COPE: variants seen among roughly 807,000 people sequenced by gnomAD.
COPE encodes coat protein complex I subunit epsilon.
A neutral mutation model predicts 42.1 loss-of-function variants in COPE; 19 were observed. The observed-to-expected ratio is 0.45, with a 90% confidence interval of 0.31 to 0.66. The LOEUF is 0.66. COPE is among the 30% of genes least tolerant of loss of function. The probability of loss-of-function intolerance (pLI) is 0.05; values close to 1 mark genes in which losing one functional copy is unlikely to be tolerated. For missense variants in COPE, 402 were observed against 416.1 expected (o/e 0.97, Z 0.30); for synonymous variants, 195 against 181.3 (o/e 1.08, Z -0.60).
In COPE at chr19:18,899,682, G is replaced by A. The variant is rs1254395340; in HGVS notation, c.924C>T (p.Ala308=). ...TCCTGACAGCTCTGGGCCAGCCTCA[G>A]GCGCTGGGAGCGTACTGTAGCACCA... The part of the protein sequence containing the change: ...DRLVLQYAPS[A] Residue 308 remains alanine, a synonymous_variant, in exon 10 of 10, where the codon GCC becomes GCT. Transcript: ENST00000262812. The A allele has an allele frequency of 6.2e-7, 1 of 1,613,420 alleles. No homozygotes were observed. Among genetic ancestry groups the A allele is most frequent in the Non-Finnish European group, 8.5e-7 (1 of 1,179,980 alleles).
At chr19:18,900,346 A>G (rs924105109) in intron 8 of COPE, 35 bp downstream of exon 8, 4 of 1,524,080 alleles carry the variant, frequency 2.6e-6, no homozygotes, top group Non-Finnish European at 3.6e-6. Flanking sequence ...GGGTCTGGAC[A>G]TTAGGGTTGG....
Position 18,911,076 on chromosome 19 carries a change from A to G in COPE, c.190-5T>C, listed in dbSNP as rs1418431405. 4 of 1,612,768 alleles carry G rather than the reference A, an allele frequency of 2.5e-6. No individual in the cohort carries two copies. The highest frequency in any genetic ancestry group is 1.1e-5 in the South Asian group (1 of 91,072). On this transcript the variant is annotated splice_region_variant and splice_polypyrimidine_tract_variant and intron_variant, in intron 2 of 9. Transcript: ENST00000262812. ...CAGGACCACACCGAACTTCCTCTGC[A>G]GTAGGGACGAGGCGTCAGCTGCACC...
At chr19:18,902,804 G>A (rs1396679625) in intron 7 of COPE, among the ~76,000 whole-genome samples, 3 of 86,148 alleles carry the variant, frequency 3.5e-5, no homozygotes, top group African/African-American at 2.2e-4. Context: ...AAGGAAGGAA[G>A]GAAGGAAGGA....
intron 1 of COPE, among the ~76,000 whole-genome samples, chr19:18,918,097 G>A (rs1382487226): frequency 2.0e-5 from 3 of 147,776 alleles, no homozygotes; most frequent in Non-Finnish European, 3.0e-5. Context: ...GGCTGAGAAA[G>A]GAGAATTGCT....
At chr19:18,913,804 T>C (rs1025867798) in intron 1 of COPE, among the ~76,000 whole-genome samples, 1 of 152,088 alleles carries the variant, frequency 6.6e-6, no homozygotes, top group Non-Finnish European at 1.5e-5. Context: ...CAACAACCTC[T>C]AAACAGAGGG....
Position 18,899,615 on chromosome 19 carries a change from G to GGGCTGCA in COPE, c.*57_*63dup. 6.3e-7 allele frequency: 1 copy of GGGCTGCA among 1,583,454 alleles called. No individual in the cohort carries two copies. The highest frequency in any genetic ancestry group is 1.1e-5 in the South Asian group (1 of 90,194). On this transcript the variant is annotated 3_prime_UTR_variant, in exon 10 of 10. Transcript: ENST00000262812. ...GATGCAGGTGGATGCCGGGTGGGGA[G>GGGCTGCA]GGCTGCAGGGCTGGCTCCTGGCCTC...
intron 2 of COPE, among the ~76,000 whole-genome samples, chr19:18,912,149 C>T (rs2056816504): frequency 6.6e-6 from 1 of 151,938 alleles, no homozygotes; most frequent in African/African-American, 2.4e-5. Context: ...GCCCAGCCCC[C>T]ATTCTTATTT....
Position 18,919,260 on chromosome 19 carries a change from C to T in COPE, c.89G>A (p.Ser30Asn). The T allele has an allele frequency of 1.2e-6, 2 of 1,613,876 alleles. No homozygotes were observed. Among genetic ancestry groups the T allele is most frequent in the Non-Finnish European group, 1.7e-6 (2 of 1,179,990 alleles). The change falls in exon 1 of 10, where the codon AGC becomes AAC. Residue 30 changes from serine (S) to asparagine (N), a missense_variant. Transcript: ENST00000262812. ...FDVKNAFYIG[S>N]YQQCINEAQR... ...CGCCTCGTTTATGCACTGCTGGTAG[C>T]TGCCGATGTAGAAGGCGTTCTTTAC...
chr19:18,918,313 T>C (rs1165950550), intron 1 of COPE, among the ~76,000 whole-genome samples: 1 of 151,034 alleles, frequency 6.6e-6, no homozygotes, highest in African/African-American at 2.4e-5. Flanking sequence ...TCTGATAAAC[T>C]CTCCGACCCT....
chr19:18,918,258 C>T (rs1339252453), intron 1 of COPE, among the ~76,000 whole-genome samples: 1 of 151,578 alleles, frequency 6.6e-6, no homozygotes, highest in East Asian at 1.9e-4. Context: ...CACAACTCTC[C>T]CTCCCAGATA....
intron 1 of COPE, among the ~76,000 whole-genome samples, chr19:18,918,440 T>A (rs1568325166): frequency 6.6e-6 from 1 of 152,118 alleles, no homozygotes; most frequent in African/African-American, 2.4e-5. Flanking sequence ...CAAGCCACCT[T>A]TCGTGTTTCT....
chr19:18,907,086 C>G lies in COPE; in HGVS notation c.317G>C (p.Arg106Pro). 6.2e-7 allele frequency: 1 copy of G among 1,611,940 alleles called. No homozygotes were observed. ...RRDSIVAELD[R>P]EMSRSVDVTN... is the part of the protein sequence containing the mutation. The stretch of plus-strand genomic sequence containing the variant: ...CACGTCCACGCTCCTGCTCATCTCT[C>G]GGTCCAGCTCGGCCACGATGCTGTC... The change falls in exon 4 of 10, where the codon CGA becomes CCA. Residue 106 changes from arginine (R) to proline (P), a missense_variant. Transcript: ENST00000262812.
At chr19:18,904,959 G>A (rs1023514013) in intron 5 of COPE, 107 bp from the exon 6 acceptor site, 2 of 1,113,186 alleles carry the variant, frequency 1.8e-6, no homozygotes, top group Non-Finnish European at 2.6e-6. Flanking sequence ...GATGGCCCCT[G>A]CTTTGTGCTC....
chr19:18,905,683 G>T, intron 4 of COPE, 54 bp from the exon 5 acceptor site: 1 of 1,537,530 alleles, frequency 6.5e-7, no homozygotes, highest in Non-Finnish European at 8.8e-7. Flanking sequence ...ACATTGCATG[G>T]CCGCTCCACA....
In COPE at chr19:18,899,865, C is replaced by A; in HGVS notation, c.879+8G>T. The A allele has an allele frequency of 1.2e-6, 2 of 1,613,124 alleles. No homozygotes were observed. The highest frequency in any genetic ancestry group is 1.7e-6 in the Non-Finnish European group (2 of 1,179,546). On this transcript the variant is annotated splice_region_variant and intron_variant, in intron 9 of 9. Transcript: ENST00000262812. ...GGTTCTCGGGGACAGGCCATCCCCACCACTCACCTTGGCCTGGTACTCCTT... is the reference window on the plus strand; with the variant it reads ...GGTTCTCGGGGACAGGCCATCCCCAACACTCACCTTGGCCTGGTACTCCTT...
chr19:18,910,961 G>C lies in COPE; in HGVS notation c.290+10C>G, dbSNP rs1601227681. On this transcript the variant is annotated intron_variant, in intron 3 of 9. Coordinates refer to ENST00000262812, the MANE Select transcript of COPE (RefSeq NM_007263.4). ...CGCGCCTCAGGCCAACCCATTCTCTGGGGCCTCACCTCCGACTCTCGTGGG... is the reference window on the plus strand; with the variant it reads ...CGCGCCTCAGGCCAACCCATTCTCTCGGGCCTCACCTCCGACTCTCGTGGG... The C allele has an allele frequency of 1.2e-6, 2 of 1,612,920 alleles. No homozygotes were observed. Among genetic ancestry groups the C allele is most frequent in the Admixed American group, 1.7e-5 (1 of 59,996 alleles).
chr19:18,906,764 G>A (rs563375126), intron 4 of COPE, 196 bp downstream of exon 4: 33 of 587,232 alleles, frequency 5.6e-5, no homozygotes, highest in Admixed American at 3.4e-4. Flanking sequence ...CCTTGGATCT[G>A]CAGCCTGGTG....
intron 3 of COPE, among the ~76,000 whole-genome samples, chr19:18,910,170 C>A (rs569942056): frequency 1.3e-5 from 2 of 152,310 alleles, no homozygotes; most frequent in African/African-American, 4.8e-5. Context: ...TCCTGGGTCC[C>A]CACAGCCCAG....
At chr19:18,907,245 G>A (rs147402162) in intron 3 of COPE, 133 bp from the exon 4 acceptor site, 19 of 919,280 alleles carry the variant, frequency 2.1e-5, no homozygotes, top group Middle Eastern at 2.5e-4. Flanking sequence ...GCAGCAGGCC[G>A]AGCATCGAGC....
Sources: gnomAD v4.1 joint callset for allele counts (sites outside exome capture counted in the v4.1 genomes callset) on GRCh38, gnomAD v4.1.1 for gene constraint, MANE v1.5 for transcripts, NCBI Gene and HGNC (gene_info 2026-07-23, HGNC 2026-07-21) for gene names.